LEO1: variants seen among roughly 807,000 people sequenced by gnomAD.
LEO1 encodes RNA polymerase-associated protein LEO1.
LEO1 carries 34 observed loss-of-function variants against 80.4 expected under a neutral mutation model. The ratio of observed to expected loss-of-function variants is 0.42; its 90% confidence interval spans 0.32 to 0.56. LEO1 has a LOEUF of 0.56. Among genes scored for constraint, LEO1 ranks in the 20% least tolerant of loss-of-function variants. The pLI is 0.10. For synonymous variants in LEO1, 262 were observed against 274.9 expected (o/e 0.95, Z 0.46); for missense variants, 631 against 814.2 (o/e 0.77, Z 2.74).
At chr15:51,942,737 C>A (rs2056864177) in intron 11 of LEO1, among the ~76,000 whole-genome samples, 1 of 151,784 alleles carries the variant, frequency 6.6e-6, no homozygotes, top group Admixed American at 6.6e-5. Context: ...ACCTGACCAA[C>A]ATGGCAAAAC....
intron 2 of LEO1, among the ~76,000 whole-genome samples, chr15:51,964,608 G>C (rs967997506): frequency 1.3e-5 from 2 of 150,570 alleles, no homozygotes; most frequent in Non-Finnish European, 2.9e-5. Context: ...CAGTCCCATA[G>C]TCTACACAGA....
intron 11 of LEO1, among the ~76,000 whole-genome samples, chr15:51,941,104 TAAGC>T (rs1039691092): frequency 1.3e-5 from 2 of 150,732 alleles, no homozygotes; most frequent in East Asian, 1.9e-4. Context: ...AATAAATAAA[TAAGC>T]AAGCCAGCCA....
rs1212933224 is a variant in LEO1, at chr15:51,947,283, T to G, written c.1896+9A>C. On this transcript the variant is annotated intron_variant, in intron 11 of 11. Coordinates refer to ENST00000299601, the MANE Select transcript of LEO1 (RefSeq NM_138792.4). ...ATAAACCCCTAGAATTGAATAAATTTGGTCTTACCTCATCACTGGTAAGTT... is the reference window on the plus strand; with the variant it reads ...ATAAACCCCTAGAATTGAATAAATTGGGTCTTACCTCATCACTGGTAAGTT... 10 of 1,569,854 alleles carry G rather than the reference T, an allele frequency of 6.4e-6. No individual in the cohort carries two copies. The highest frequency in any genetic ancestry group is 8.8e-6 in the Non-Finnish European group (10 of 1,139,970).
At chr15:51,945,996 T>C (rs1370914340) in intron 11 of LEO1, among the ~76,000 whole-genome samples, 1 of 151,624 alleles carries the variant, frequency 6.6e-6, no homozygotes, top group Non-Finnish European at 1.5e-5. Flanking sequence ...ATCACGCCAC[T>C]GCACTCCAGC....
At chr15:51,968,999 C>T (rs73396698) in intron 1 of LEO1, among the ~76,000 whole-genome samples, 5,064 of 152,256 alleles carry the variant, frequency 0.033, 278 homozygotes, top group African/African-American at 0.12. Context: ...GACAGAGTCT[C>T]GCTCTATCCT....
At chr15:51,960,093 C>A in intron 4 of LEO1, 49 bp from the exon 5 acceptor site, 1 of 1,463,052 alleles carries the variant, frequency 6.8e-7, no homozygotes, top group Non-Finnish European at 9.5e-7. Context: ...TTAGAAATGG[C>A]TTCCTTCAAC....
chr15:51,966,518 T>G lies in LEO1; in HGVS notation c.59-14A>C. ...CAGAATCAGAATCTATGGGGTCATA[T>G]AAACATAGGATAACATAAGCAAAAA... On this transcript the variant is annotated splice_polypyrimidine_tract_variant and intron_variant, in intron 1 of 11. Coordinates refer to ENST00000299601, the MANE Select transcript of LEO1 (RefSeq NM_138792.4). 1 of 1,455,986 alleles carries G rather than the reference T, an allele frequency of 6.9e-7. No homozygotes were observed. Among genetic ancestry groups the G allele is most frequent in the Non-Finnish European group, 9.5e-7 (1 of 1,047,922 alleles). The allele number at this position is 1,455,986 out of a possible 1,614,324, so 90.2% of individuals were successfully genotyped here.
At chr15:51,943,821 GA>G (rs1333537480) in intron 11 of LEO1, among the ~76,000 whole-genome samples, 1 of 147,954 alleles carries the variant, frequency 6.8e-6, no homozygotes, top group African/African-American at 2.5e-5. Flanking sequence ...TTCTTACACT[GA>G]AAGGGTAACT....
rs769766593 is a variant in LEO1, at chr15:51,940,795, T to A, written c.1897-2535A>T. 1.8e-3 allele frequency among the ~76,000 whole-genome samples: 277 copies of A among 151,410 alleles called. 1 individual carries two copies. The highest frequency in any genetic ancestry group is 4.4e-4 in the Non-Finnish European group (30 of 67,770). On this transcript the variant is annotated intron_variant, in intron 11 of 11. Coordinates refer to ENST00000299601, the MANE Select transcript of LEO1 (RefSeq NM_138792.4). ...AATTATAATTGCTACAAAAAAAAAT[T>A]TTTAATAAAATAAATAATAAGGCCG...
chr15:51,945,039 G>C (rs1260751618), intron 11 of LEO1, among the ~76,000 whole-genome samples: 6 of 152,030 alleles, frequency 3.9e-5, no homozygotes. Flanking sequence ...TCTCAACAAA[G>C]CAGTCAGTGA....
In LEO1 at chr15:51,958,728, G is replaced by C. The variant is rs760515197; in HGVS notation, c.1245+14C>G. The C allele has an allele frequency of 1.3e-6, 2 of 1,505,306 alleles. No individual in the cohort carries two copies. The highest frequency in any genetic ancestry group is 2.8e-5 in the African/African-American group (2 of 71,324). The allele number at this position is 1,505,306 out of a possible 1,614,324, so 93.2% of individuals were successfully genotyped here. ...TTTATAAAAGAAAAAAAAGGAAAAAGCATGAAATGGTACCTTTAATTTTAA... is the reference window on the plus strand; with the variant it reads ...TTTATAAAAGAAAAAAAAGGAAAAACCATGAAATGGTACCTTTAATTTTAA... On this transcript the variant is annotated intron_variant, in intron 6 of 11. Transcript: ENST00000299601.
At chr15:51,969,067 C>T (rs1226312291) in intron 1 of LEO1, among the ~76,000 whole-genome samples, 4 of 151,972 alleles carry the variant, frequency 2.6e-5, no homozygotes, top group Non-Finnish European at 5.9e-5. Flanking sequence ...CTCCCTCAAG[C>T]GATTCTCCTA....
chr15:51,965,207 C>A (rs1031735095), intron 2 of LEO1, among the ~76,000 whole-genome samples: 1 of 152,190 alleles, frequency 6.6e-6, no homozygotes, highest in African/African-American at 2.4e-5. Flanking sequence ...AACAATTTTG[C>A]AATTCAATTT....
At chr15:51,959,567 G>A (rs890695593) in intron 5 of LEO1, among the ~76,000 whole-genome samples, 1 of 152,166 alleles carries the variant, frequency 6.6e-6, no homozygotes, top group Non-Finnish European at 1.5e-5. Flanking sequence ...AACAATAGCT[G>A]CTACAGTGGA....
rs1182580105 is a variant in LEO1, at chr15:51,952,001, G to A, written c.1476-22C>T. 1.9e-6 allele frequency: 3 copies of A among 1,597,960 alleles called. No individual in the cohort carries two copies. The African/African-American group carries it at 4.0e-5, about 21-fold the overall frequency. Reference sequence around the variant, plus strand: ...AGGTCTGCCAGGAAATAAACGAAGAGCATATCACTGTTTACCAAATACATT... The same window carrying A: ...AGGTCTGCCAGGAAATAAACGAAGAACATATCACTGTTTACCAAATACATT... On this transcript the variant is annotated intron_variant, in intron 8 of 11. Transcript: ENST00000299601.
intron 2 of LEO1, among the ~76,000 whole-genome samples, chr15:51,964,685 C>A (rs2057060979): frequency 6.6e-6 from 1 of 152,082 alleles, no homozygotes; most frequent in South Asian, 2.1e-4. Context: ...GTTTCTGAAT[C>A]CTGTCCTGTG....
At chr15:51,948,817 G>A (rs1452904980) in intron 10 of LEO1, among the ~76,000 whole-genome samples, 4 of 152,178 alleles carry the variant, frequency 2.6e-5, no homozygotes, top group African/African-American at 2.4e-5. Flanking sequence ...TTCTTAGTTC[G>A]CTTTTCACCA....
chr15:51,960,715 T>C lies in LEO1; in HGVS notation c.938A>G (p.Asp313Gly). ...GATATCATCTGCACCTCCAAATAAA[T>C]CCATGGTTCCACTATTATCTTCAAT... ...EVPKDNSGTM[D>G]LFGGADDISS... Residue 313 changes from aspartate (D) to glycine (G), a missense_variant, in exon 4 of 12, where the codon GAT becomes GGT. Transcript: ENST00000299601. 1.2e-6 allele frequency: 2 copies of C among 1,606,510 alleles called. No homozygotes were observed. Among genetic ancestry groups the C allele is most frequent in the Non-Finnish European group, 1.7e-6 (2 of 1,173,038 alleles).
intron 11 of LEO1, among the ~76,000 whole-genome samples, chr15:51,944,902 G>C (rs1334721124): frequency 6.6e-6 from 1 of 152,182 alleles, no homozygotes; most frequent in African/African-American, 2.4e-5. Flanking sequence ...GGTAGAAGCA[G>C]GATTCCAACC....
Sources: gnomAD v4.1 joint callset for allele counts (sites outside exome capture counted in the v4.1 genomes callset) on GRCh38, gnomAD v4.1.1 for gene constraint, MANE v1.5 for transcripts, NCBI Gene and HGNC (gene_info 2026-07-23, HGNC 2026-07-21) for gene names.